Variants in COMMD10 observed in about 807,000 individuals in gnomAD.
The protein encoded by COMMD10 is COMM domain containing 10.
A neutral mutation model predicts 28.9 loss-of-function variants in COMMD10; 33 were observed. That is an observed-to-expected ratio of 1.14 (90% CI 0.87 to 1.53). The LOEUF is 1.53. COMMD10 is among the 40% of genes most tolerant of loss of function. The pLI is 0.00. For synonymous variants in COMMD10, 110 were observed against 81.7 expected (o/e 1.35, Z -1.87); for missense variants, 310 against 233.4 (o/e 1.33, Z -2.14).
At chr5:116,165,280 C>G (rs536211386) in intron 5 of COMMD10, among the ~76,000 whole-genome samples, 4 of 152,104 alleles carry the variant, frequency 2.6e-5, no homozygotes, top group Non-Finnish European at 5.9e-5. Context: ...GGCTTTCATG[C>G]TTTGCTTGAA....
intron 5 of COMMD10, among the ~76,000 whole-genome samples, chr5:116,224,954 T>C (rs1474329952): frequency 1.3e-5 from 2 of 152,222 alleles, no homozygotes; most frequent in Non-Finnish European, 2.9e-5. Flanking sequence ...AAATAAAAGA[T>C]GGATAAGAAT....
chr5:116,283,536 AG>A (rs1751132000), intron 5 of COMMD10, among the ~76,000 whole-genome samples: 1 of 151,396 alleles, frequency 6.6e-6, no homozygotes, highest in Non-Finnish European at 1.5e-5. Flanking sequence ...TAGTAGAGAC[AG>A]GGTTTCACCA....
intron 5 of COMMD10, among the ~76,000 whole-genome samples, chr5:116,221,270 C>G (rs1039265648): frequency 2.0e-5 from 3 of 151,990 alleles, no homozygotes; most frequent in African/African-American, 7.3e-5. Flanking sequence ...AATTTCCAGC[C>G]CCTTGCCCTC....
At position 116,170,017 on chromosome 5, in the gene COMMD10, G is replaced by T. The variant is rs541897379; in HGVS notation, c.510+35839G>T. On this transcript the variant is annotated intron_variant, in intron 5 of 6. Transcript: ENST00000274458. ...AATCAGGGAAGAGAAAAAAATAAAG[G>T]GTATTCAAATAGGAAGAGAGGAAGT... Among the ~76,000 whole-genome samples, 5 of 151,990 alleles carry T rather than the reference G, an allele frequency of 3.3e-5. 1 individual carries two copies. Among genetic ancestry groups the T allele is most frequent in the Admixed American group, 3.3e-4 (5 of 15,248 alleles).
chr5:116,141,435 T>C (rs1752191935), intron 5 of COMMD10, among the ~76,000 whole-genome samples: 1 of 151,862 alleles, frequency 6.6e-6, no homozygotes, highest in Admixed American at 6.6e-5. Context: ...TTTTTCTCTA[T>C]TTCTGTGAAA....
At chr5:116,263,620 C>T (rs1280268707) in intron 5 of COMMD10, among the ~76,000 whole-genome samples, 1 of 151,672 alleles carries the variant, frequency 6.6e-6, no homozygotes, top group Non-Finnish European at 1.5e-5. Flanking sequence ...GATTCCTCTG[C>T]CCAATAAAAC....
chr5:116,124,101 C>T lies in COMMD10; in HGVS notation c.400-9967C>T, dbSNP rs181515478. 1.5e-3 allele frequency among the ~76,000 whole-genome samples: 235 copies of T among 151,924 alleles called. 2 individuals are homozygous for T. Among genetic ancestry groups the T allele is most frequent in the African/African-American group, 5.3e-3 (220 of 41,428 alleles). ...TGCTCTGATCTTAGTTATTTCTTGCCTTCTGCTAGCTTTTGAATTTGTTTG... is the reference window on the plus strand; with the variant it reads ...TGCTCTGATCTTAGTTATTTCTTGCTTTCTGCTAGCTTTTGAATTTGTTTG... On this transcript the variant is annotated intron_variant, in intron 4 of 6. Transcript: ENST00000274458.
intron 5 of COMMD10, among the ~76,000 whole-genome samples, chr5:116,228,426 T>G (rs1402427128): frequency 6.6e-6 from 1 of 151,936 alleles, no homozygotes; most frequent in Non-Finnish European, 1.5e-5. Flanking sequence ...TAAATTAATA[T>G]AGACAAATTA....
intron 5 of COMMD10, among the ~76,000 whole-genome samples, chr5:116,226,154 G>T (rs1369338934): frequency 6.6e-6 from 1 of 151,740 alleles, no homozygotes; most frequent in East Asian, 1.9e-4. Flanking sequence ...CCTTATGTCT[G>T]CATTTGAAAG....
At chr5:116,281,234 C>A (rs772235991) in intron 5 of COMMD10, among the ~76,000 whole-genome samples, 1 of 151,626 alleles carries the variant, frequency 6.6e-6, no homozygotes, top group East Asian at 1.9e-4. Flanking sequence ...GTTCCTAATT[C>A]CTAACTAATG....
chr5:116,290,270 C>T (rs1751329774), intron 5 of COMMD10, among the ~76,000 whole-genome samples: 1 of 151,708 alleles, frequency 6.6e-6, no homozygotes, highest in Non-Finnish European at 1.5e-5. Flanking sequence ...TGTGTGACAG[C>T]CAATGAATTT....
chr5:116,269,292 T>C (rs976495308), intron 5 of COMMD10, among the ~76,000 whole-genome samples: 13 of 151,812 alleles, frequency 8.6e-5, no homozygotes, highest in Non-Finnish European at 1.8e-4. Context: ...GGAAAGATTT[T>C]CTCCCAAGCC....
intron 4 of COMMD10, among the ~76,000 whole-genome samples, chr5:116,130,508 CTG>C (rs1378700772): frequency 6.6e-6 from 1 of 151,930 alleles, no homozygotes; most frequent in Non-Finnish European, 1.5e-5. Flanking sequence ...GCCAAAGAAA[CTG>C]TAATCTAGAA....
intron 5 of COMMD10, among the ~76,000 whole-genome samples, chr5:116,141,175 A>G (rs188406488): frequency 1.9e-4 from 29 of 151,808 alleles, no homozygotes; most frequent in African/African-American, 6.8e-4. Flanking sequence ...CCATTTATTA[A>G]AGAGACAATT....
chr5:116,112,424 G>T (rs574757045), intron 4 of COMMD10, among the ~76,000 whole-genome samples: 1 of 151,712 alleles, frequency 6.6e-6, no homozygotes, highest in African/African-American at 2.4e-5. Flanking sequence ...TTGAGATGGA[G>T]TCGCGTGCTG....
intron 5 of COMMD10, among the ~76,000 whole-genome samples, chr5:116,202,365 T>C (rs893396641): frequency 5.3e-5 from 8 of 152,084 alleles, no homozygotes; most frequent in African/African-American, 1.7e-4. Context: ...TGTGTCTTTA[T>C]AGCAGCATGA....
chr5:116,174,150 T>C (rs1476242752), intron 5 of COMMD10, among the ~76,000 whole-genome samples: 1 of 127,978 alleles, frequency 7.8e-6, no homozygotes, highest in African/African-American at 4.2e-5. Flanking sequence ...AAGGCTTTTC[T>C]TCCTGATAAT....
intron 5 of COMMD10, among the ~76,000 whole-genome samples, chr5:116,257,920 G>A (rs1245191868): frequency 1.3e-5 from 2 of 151,512 alleles, no homozygotes; most frequent in East Asian, 1.9e-4. Context: ...TCACAGTTTT[G>A]TATACCCAAT....
intron 5 of COMMD10, among the ~76,000 whole-genome samples, chr5:116,252,548 A>G (rs1750149721): frequency 8.9e-6 from 1 of 112,936 alleles, no homozygotes; most frequent in African/African-American, 3.6e-5. Context: ...ACCATTTATT[A>G]AATAGGGAAT....
Sources: allele counts gnomAD v4.1 joint callset (sites outside exome capture counted in the v4.1 genomes callset), GRCh38; gene constraint gnomAD v4.1.1; transcripts MANE v1.5; gene names NCBI Gene and HGNC (gene_info 2026-07-23, HGNC 2026-07-21).